The following CTNNA3 variants were observed in gnomAD, a reference collection of about 807,000 sequenced individuals.
The protein encoded by CTNNA3 is catenin alpha-3.
CTNNA3 carries 76 observed loss-of-function variants against 95.7 expected under a neutral mutation model. That is an observed-to-expected ratio of 0.79 (90% confidence interval 0.66 to 0.96). The LOEUF is 0.96. CTNNA3 is among the 40% of genes least tolerant of loss of function. The probability of loss-of-function intolerance (pLI) is 0.00; values close to 1 mark genes in which losing one functional copy is unlikely to be tolerated. For synonymous variants in CTNNA3, 431 were observed against 374.4 expected, an observed-to-expected ratio of 1.15 and a Z score of -1.74; for missense variants, 1,191 against 1,089.8, an observed-to-expected ratio of 1.09 and a Z score of -1.31.
intron 5 of CTNNA3, among the ~76,000 whole-genome samples, chr10:67,382,541 T>C (rs1171035658): frequency 6.6e-6 from 1 of 152,216 alleles, no homozygotes; most frequent in East Asian, 1.9e-4. Context: ...TCATTAATTG[T>C]TATGATCTTC....
intron 7 of CTNNA3, among the ~76,000 whole-genome samples, chr10:66,953,307 C>T (rs911422317): frequency 3.9e-5 from 6 of 152,034 alleles, no homozygotes; most frequent in African/African-American, 1.4e-4. Context: ...GAATGTGCAC[C>T]CACCAATAAT....
At chr10:67,205,584 G>C (rs998806255) in intron 6 of CTNNA3, among the ~76,000 whole-genome samples, 2 of 152,124 alleles carry the variant, frequency 1.3e-5, no homozygotes, top group African/African-American at 4.8e-5. Context: ...CTTCTTGCTA[G>C]GTTACAGGAG....
intron 7 of CTNNA3, among the ~76,000 whole-genome samples, chr10:66,992,337 T>A (rs1380727436): frequency 6.6e-6 from 1 of 152,150 alleles, no homozygotes; most frequent in South Asian, 2.1e-4. Context: ...ACTGTTTATA[T>A]CCTTTGCCTA....
intron 9 of CTNNA3, among the ~76,000 whole-genome samples, chr10:66,745,506 T>C (rs895729060): frequency 6.6e-6 from 1 of 152,116 alleles, no homozygotes; most frequent in Non-Finnish European, 1.5e-5. Context: ...TGTCTGCATT[T>C]ATTAAATCAT....
At chr10:66,340,626 T>C (rs2092443836) in intron 12 of CTNNA3, among the ~76,000 whole-genome samples, 2 of 151,816 alleles carry the variant, frequency 1.3e-5, no homozygotes. Context: ...ATTGCAGTAA[T>C]TATGGTTATT....
intron 1 of CTNNA3, among the ~76,000 whole-genome samples, chr10:67,694,888 A>G (rs1462107314): frequency 1.3e-5 from 2 of 152,216 alleles, no homozygotes; most frequent in Non-Finnish European, 2.9e-5. Context: ...TTACTCAAAT[A>G]GGAAGATTTA....
At chr10:67,218,245 G>A (rs1269727889) in intron 6 of CTNNA3, among the ~76,000 whole-genome samples, 1 of 152,054 alleles carries the variant, frequency 6.6e-6, no homozygotes, top group African/African-American at 2.4e-5. Context: ...GACTACAGAT[G>A]GTCCCTGACT....
At chr10:66,321,792 A>G (rs2092190312) in intron 12 of CTNNA3, among the ~76,000 whole-genome samples, 1 of 152,142 alleles carries the variant, frequency 6.6e-6, no homozygotes, top group South Asian at 2.1e-4. Context: ...GCTACGAAAA[A>G]GCTCCAAATA....
intron 13 of CTNNA3, among the ~76,000 whole-genome samples, chr10:66,208,753 G>C (rs12762371): frequency 1.3e-5 from 2 of 151,478 alleles, no homozygotes; most frequent in African/African-American, 4.9e-5. Flanking sequence ...TAAACATGAC[G>C]ACCACCACCA....
Position 67,590,641 on chromosome 10 carries a change from G to A in CTNNA3, c.292+16216C>T, listed in dbSNP as rs556020508. 1.3e-3 allele frequency among the ~76,000 whole-genome samples: 202 copies of A among 152,114 alleles called. 1 individual carries two copies. The highest frequency in any genetic ancestry group is 4.7e-3 in the African/African-American group (197 of 41,504). The stretch of plus-strand genomic sequence containing the variant: ...ATTTGCATATCTATCTCACTAATGA[G>A]GACAGACATCTCTTTATATTCTTAT... On this transcript the variant is annotated intron_variant, in intron 3 of 17. Transcript: ENST00000433211.
At chr10:66,193,886 GC>G (rs2086809910) in intron 13 of CTNNA3, among the ~76,000 whole-genome samples, 1 of 152,036 alleles carries the variant, frequency 6.6e-6, no homozygotes, top group African/African-American at 2.4e-5. Context: ...GTGCTGCAAG[GC>G]TAAGTTTTTA....
chr10:66,378,321 A>C (rs1374439632), intron 12 of CTNNA3, among the ~76,000 whole-genome samples: 1 of 151,994 alleles, frequency 6.6e-6, no homozygotes, highest in Admixed American at 6.5e-5. Flanking sequence ...TCGATGACTT[A>C]AGGTTGGAAT....
intron 13 of CTNNA3, among the ~76,000 whole-genome samples, chr10:66,208,737 T>C (rs1471909590): frequency 1.3e-5 from 2 of 152,062 alleles, no homozygotes; most frequent in Non-Finnish European, 2.9e-5. Flanking sequence ...GTTTCAAATA[T>C]ATAATTAAAC....
Position 66,677,115 on chromosome 10 carries a change from C to T in CTNNA3, c.1282-55331G>A, listed in dbSNP as rs982289827. ...TGGATAGATTACTTGACTTCTCTAG[C>T]ATTGGTTTCCTGTTTGTAAATGACT... is the stretch of plus-strand genomic sequence containing the variant. On this transcript the variant is annotated intron_variant, in intron 9 of 17. Transcript: ENST00000433211. Among the ~76,000 whole-genome samples, 6 of 152,102 alleles carry T rather than the reference C, an allele frequency of 3.9e-5. 1 individual carries two copies. The highest frequency in any genetic ancestry group is 1.2e-4 in the African/African-American group (5 of 41,430).
At chr10:66,957,517 T>C (rs1324740482) in intron 7 of CTNNA3, among the ~76,000 whole-genome samples, 1 of 150,406 alleles carries the variant, frequency 6.6e-6, no homozygotes, top group Non-Finnish European at 1.5e-5. Context: ...CTCTTGGGCA[T>C]AGTGGGAAGG....
intron 10 of CTNNA3, among the ~76,000 whole-genome samples, chr10:66,527,928 A>G (rs1239643363): frequency 3.9e-5 from 6 of 152,156 alleles, no homozygotes; most frequent in Non-Finnish European, 2.9e-5. Context: ...AAAAAAATAT[A>G]TAAGTTTTTT....
chr10:66,367,717 G>T (rs1003916804), intron 12 of CTNNA3, among the ~76,000 whole-genome samples: 1 of 148,548 alleles, frequency 6.7e-6, no homozygotes, highest in Admixed American at 6.7e-5. Context: ...CATATAGTTA[G>T]ATTCATGATA....
intron 7 of CTNNA3, among the ~76,000 whole-genome samples, chr10:66,810,484 C>T (rs571753416): frequency 1.3e-5 from 2 of 152,294 alleles, no homozygotes; most frequent in East Asian, 3.9e-4. Context: ...AGAAACATCT[C>T]TCAATTTCAG....
chr10:66,514,686 A>C (rs1358037073), intron 11 of CTNNA3, among the ~76,000 whole-genome samples: 1 of 152,120 alleles, frequency 6.6e-6, no homozygotes, highest in Non-Finnish European at 1.5e-5. Flanking sequence ...GGGATTTAGC[A>C]CTCATAATTA....
Sources: gnomAD v4.1 joint callset for allele counts (sites outside exome capture counted in the v4.1 genomes callset) on GRCh38, gnomAD v4.1.1 for gene constraint, MANE v1.5 for transcripts, NCBI Gene and HGNC (gene_info 2026-07-23, HGNC 2026-07-21) for gene names.